The following SDK1 variants were observed in gnomAD, a reference collection of about 807,000 sequenced individuals.
The protein encoded by SDK1 is protein sidekick-1.
In SDK1, 157 loss-of-function variants were observed where a neutral mutation model predicts 245.5. The ratio of observed to expected loss-of-function variants is 0.64; its 90% CI spans 0.56 to 0.73. The LOEUF (loss-of-function observed/expected upper bound fraction) is 0.73, where lower values mean the gene tolerates loss of function less well. Ranked by LOEUF, SDK1 falls within the 30% of genes least tolerant of loss-of-function variation. SDK1 has a pLI of 0.00. For synonymous variants in SDK1, 1,647 were observed against 1,278.5 expected, an observed-to-expected ratio of 1.29 and a Z score of -6.15; for missense variants, 3,583 against 3,002.3, an observed-to-expected ratio of 1.19 and a Z score of -4.52.
intron 5 of SDK1, among the ~76,000 whole-genome samples, chr7:3,880,260 T>C (rs1016977638): frequency 6.6e-6 from 1 of 152,146 alleles, no homozygotes; most frequent in Admixed American, 6.5e-5. Context: ...CTATTAGAAA[T>C]AAATCCCGAA....
chr7:3,595,979 A>G (rs1781049523), intron 1 of SDK1, among the ~76,000 whole-genome samples: 1 of 147,268 alleles, frequency 6.8e-6, no homozygotes, highest in Non-Finnish European at 1.5e-5. Context: ...AAGTCATACC[A>G]TCTACCTGAT....
intron 1 of SDK1, among the ~76,000 whole-genome samples, chr7:3,445,548 C>G (rs1780317244): frequency 6.6e-6 from 1 of 152,284 alleles, no homozygotes; most frequent in South Asian, 2.1e-4. Flanking sequence ...AAAGATAGTA[C>G]AGAGAGCTCT....
At chr7:4,027,209 C>T (rs1360139879) in intron 17 of SDK1, among the ~76,000 whole-genome samples, 1 of 152,162 alleles carries the variant, frequency 6.6e-6, no homozygotes, top group Non-Finnish European at 1.5e-5. Context: ...ACTGATACTG[C>T]ACCTGAGGGT....
In SDK1 at chr7:3,787,102, G is replaced by A. The variant is rs561261057; in HGVS notation, c.714-34348G>A. Among the ~76,000 whole-genome samples, 44 of 150,874 alleles carry A rather than the reference G, an allele frequency of 2.9e-4. 1 individual carries two copies. The highest frequency in any genetic ancestry group is 1.1e-3 in the African/African-American group (44 of 40,980). On this transcript the variant is annotated intron_variant, in intron 4 of 44. Coordinates refer to ENST00000404826, the MANE Select transcript of SDK1 (RefSeq NM_152744.4). ...GGAAATGAGACTTGACAATATATTC[G>A]TGTCACTAAAATTCTTTATTCCAGA...
chr7:3,896,525 C>T (rs1356393823), intron 5 of SDK1, among the ~76,000 whole-genome samples: 1 of 152,210 alleles, frequency 6.6e-6, no homozygotes, highest in African/African-American at 2.4e-5. Context: ...CTTTAGCCTC[C>T]TGGGCCTCCG....
At chr7:3,604,607 T>C (rs1345450645) in intron 1 of SDK1, among the ~76,000 whole-genome samples, 24 of 147,748 alleles carry the variant, frequency 1.6e-4, no homozygotes, top group African/African-American at 3.7e-4. Context: ...CTTTTCTTTT[T>C]TTTTTTTTTT....
chr7:3,402,432 A>G (rs2128573810), intron 1 of SDK1, among the ~76,000 whole-genome samples: 1 of 152,320 alleles, frequency 6.6e-6, no homozygotes, highest in Non-Finnish European at 1.5e-5. Flanking sequence ...TCTCCTAAAT[A>G]CTATTATAAA....
chr7:4,145,656 G>T (rs1339057012), intron 28 of SDK1, 66 bp from the exon 29 acceptor site: 3 of 1,423,214 alleles, frequency 2.1e-6, no homozygotes, highest in South Asian at 2.6e-5. Flanking sequence ...CAGGGTGTGG[G>T]CACAGGGCTT....
At chr7:3,422,041 A>G (rs1191995573) in intron 1 of SDK1, among the ~76,000 whole-genome samples, 1 of 152,198 alleles carries the variant, frequency 6.6e-6, no homozygotes, top group Admixed American at 6.5e-5. Context: ...TTCTCAAAAT[A>G]AAATAGGAAA....
chr7:3,880,509 G>A (rs74985283), intron 5 of SDK1, among the ~76,000 whole-genome samples: 1 of 147,350 alleles, frequency 6.8e-6, no homozygotes, highest in Non-Finnish European at 1.5e-5. Context: ...GCGATGCGCA[G>A]ATGCGTGGTG....
intron 4 of SDK1, among the ~76,000 whole-genome samples, chr7:3,701,844 GACAAAAGC>G (rs1784748445): frequency 7.3e-6 from 1 of 137,908 alleles, no homozygotes; most frequent in Admixed American, 8.1e-5. Context: ...AGAGATTTTT[GACAAAAGC>G]ATAAAAGCAA....
At chr7:3,340,766 C>CAAA (rs56932562) in intron 1 of SDK1, among the ~76,000 whole-genome samples, 29,104 of 124,744 alleles carry the variant, frequency 0.23, 3,376 homozygotes, top group East Asian at 0.37. Context: ...GACCCCGTCT[C>CAAA]AAAAAAAAAA....
At chr7:3,940,902 A>G (rs1780342742) in intron 5 of SDK1, among the ~76,000 whole-genome samples, 6 of 151,996 alleles carry the variant, frequency 3.9e-5, no homozygotes, top group Non-Finnish European at 5.9e-5. Context: ...TCACACTCTC[A>G]TGGAGTGGCC....
chr7:3,310,390 A>T (rs551005958), intron 1 of SDK1, among the ~76,000 whole-genome samples: 1 of 152,228 alleles, frequency 6.6e-6, no homozygotes, highest in African/African-American at 2.4e-5. Context: ...TGTAACAACA[A>T]TTGAGGTGAG....
At chr7:3,577,584 A>G (rs1227249464) in intron 1 of SDK1, among the ~76,000 whole-genome samples, 1 of 152,044 alleles carries the variant, frequency 6.6e-6, no homozygotes, top group Non-Finnish European at 1.5e-5. Context: ...CCCTCCAGGT[A>G]ATCCTCATGG....
At chr7:4,250,254 ATTGT>A (rs1787205595) in intron 44 of SDK1, among the ~76,000 whole-genome samples, 2 of 152,086 alleles carry the variant, frequency 1.3e-5, no homozygotes, top group South Asian at 2.1e-4. Context: ...TCTCTTTCAC[ATTGT>A]TTGTTTTAAA....
intron 5 of SDK1, among the ~76,000 whole-genome samples, chr7:3,904,054 C>T (rs766945096): frequency 5.3e-5 from 8 of 152,236 alleles, no homozygotes; most frequent in South Asian, 2.1e-4. Context: ...GAATTGTGAG[C>T]CAACTACACC....
chr7:3,852,539 A>T (rs1055789900), intron 5 of SDK1, among the ~76,000 whole-genome samples: 1 of 151,594 alleles, frequency 6.6e-6, no homozygotes, highest in African/African-American at 2.4e-5. Flanking sequence ...CGAGGTCAGG[A>T]GATTGAGACC....
intron 15 of SDK1, among the ~76,000 whole-genome samples, chr7:4,011,351 T>C (rs1038014786): frequency 6.6e-5 from 10 of 152,234 alleles, no homozygotes; most frequent in Non-Finnish European, 2.9e-5. Context: ...CCTGTGGCGA[T>C]CTGGCTGTGC....
Sources: gnomAD v4.1 joint callset for allele counts (sites outside exome capture counted in the v4.1 genomes callset) on GRCh38, gnomAD v4.1.1 for gene constraint, MANE v1.5 for transcripts, NCBI Gene and HGNC (gene_info 2026-07-23, HGNC 2026-07-21) for gene names.